Variants in ANKRD26 observed in about 807,000 individuals in gnomAD.
ANKRD26 encodes the protein ankyrin repeat domain 26.
In ANKRD26, 141 loss-of-function variants were observed where a neutral mutation model predicts 208.7. The observed-to-expected ratio is 0.68, with a 90% CI of 0.59 to 0.78. ANKRD26 has a LOEUF of 0.78. Among genes scored for constraint, ANKRD26 ranks in the 30% least tolerant of loss-of-function variants. The pLI is 0.00. For synonymous variants in ANKRD26, 636 were observed against 660.4 expected (o/e 0.96, Z 0.57); for missense variants, 1,889 against 1,938.7 (o/e 0.97, Z 0.48).
chr10:26,991,848 A>G (rs183217885), downstream of ANKRD26: 19 of 152,262 alleles, frequency 1.2e-4, no homozygotes, highest in African/African-American at 3.9e-4. Flanking sequence ...GGCAGAGGAA[A>G]TAGACACTCA....
intron 6 of ANKRD26, chr10:27,079,973 T>C (rs2055843719): frequency 7.5e-6 from 2 of 266,178 alleles, no homozygotes; most frequent in South Asian, 3.0e-5. Flanking sequence ...CTGACCAACA[T>C]AGTGAAACTC....
intron 9 of ANKRD26, among the ~76,000 whole-genome samples, chr10:27,070,682 T>C (rs2055450671): frequency 2.0e-5 from 3 of 152,132 alleles, no homozygotes; most frequent in Admixed American, 2.0e-4. Flanking sequence ...TTTTTTTTTT[T>C]TGAGATGGAG....
chr10:26,989,376 C>A (rs1011306241), downstream of ANKRD26, among the ~76,000 whole-genome samples: 3 of 152,088 alleles, frequency 2.0e-5, no homozygotes, highest in Non-Finnish European at 4.4e-5. Context: ...ATTGTCAAGA[C>A]TTTTTAAAAT....
At chr10:27,028,712 A>T in intron 27 of ANKRD26, 140 bp downstream of exon 27, 1 of 705,196 alleles carries the variant, frequency 1.4e-6, no homozygotes, top group Non-Finnish European at 2.4e-6. Context: ...TTATGTATGT[A>T]CAAATATTCC....
chr10:27,051,207 C>T, intron 16 of ANKRD26: 1 of 1,289,780 alleles, frequency 7.8e-7, no homozygotes, highest in Admixed American at 2.3e-5. Flanking sequence ...TGGAGAAGAC[C>T]TCACATTTTC....
In ANKRD26 at chr10:27,053,378, A is replaced by T; in HGVS notation, c.1577T>A (p.Leu526Ter). The T allele has an allele frequency of 6.2e-7, 1 of 1,610,794 alleles. No individual in the cohort carries two copies. The highest frequency in any genetic ancestry group is 8.5e-7 in the Non-Finnish European group (1 of 1,178,304). ...VQTSKAAEHD[L>*]EVASEEEQER... ...TTGCTCTTCTTCTGATGCTACTTCTAAGTCATGTTCAGCTGAAAAAATCCA... is the reference window on the plus strand; with the variant it reads ...TTGCTCTTCTTCTGATGCTACTTCTTAGTCATGTTCAGCTGAAAAAATCCA... The change falls in exon 16 of 34, where the codon TTA becomes TAA. Residue 526 changes from leucine (L) to a stop codon, truncating the protein, a stop_gained. Coordinates refer to ENST00000376087, the MANE Select transcript of ANKRD26 (RefSeq NM_014915.3). LOFTEE classifies it high-confidence loss of function.
chr10:26,971,110 G>A (rs971824523), downstream of ANKRD26, among the ~76,000 whole-genome samples: 11 of 152,340 alleles, frequency 7.2e-5, 1 homozygote, highest in South Asian at 1.7e-3. Flanking sequence ...CACTGGCTGG[G>A]TGCAGTGGCT....
intron 5 of ANKRD26, among the ~76,000 whole-genome samples, chr10:26,994,807 C>A (rs1271476604): frequency 6.6e-6 from 1 of 152,300 alleles, no homozygotes; most frequent in East Asian, 1.9e-4. Flanking sequence ...TCTGTAGCAT[C>A]CCAAAGTCAT....
exon 6 of ANKRD26, among the ~76,000 whole-genome samples, chr10:26,974,393 T>C (rs1293421760): frequency 4.0e-5 from 6 of 150,710 alleles, no homozygotes; most frequent in Admixed American, 3.3e-4. Flanking sequence ...CAGGCTGGAA[T>C]GCAGTGGTGC....
chr10:27,074,714 T>C (rs1413884606), intron 9 of ANKRD26, among the ~76,000 whole-genome samples: 2 of 151,944 alleles, frequency 1.3e-5, no homozygotes, highest in Non-Finnish European at 2.9e-5. Context: ...GTTTTAACAG[T>C]AGGCTATGCC....
chr10:26,972,885 C>T (rs2052171744), downstream of ANKRD26, among the ~76,000 whole-genome samples: 1 of 152,044 alleles, frequency 6.6e-6, no homozygotes, highest in African/African-American at 2.4e-5. Context: ...CCACCATACC[C>T]GGCTGAGGTT....
chr10:27,070,793 G>A (rs2055457248), intron 9 of ANKRD26, among the ~76,000 whole-genome samples: 1 of 151,712 alleles, frequency 6.6e-6, no homozygotes, highest in Admixed American at 6.6e-5. Context: ...AGCCCCCTGA[G>A]TAGCTGGGAT....
chr10:27,044,257 T>C, intron 18 of ANKRD26, 67 bp from the exon 19 acceptor site: 1 of 1,305,452 alleles, frequency 7.7e-7, no homozygotes, highest in Non-Finnish European at 1.0e-6. Context: ...TCTAAAACTA[T>C]TGTTTTTTTA....
At chr10:27,033,422 TAA>T (rs780726402) in intron 24 of ANKRD26, 45 bp from the exon 25 acceptor site, 36 of 1,553,314 alleles carry the variant, frequency 2.3e-5, no homozygotes, top group Non-Finnish European at 2.9e-5. Flanking sequence ...ACCTTATTAT[TAA>T]GTTATGTTAA....
downstream of ANKRD26, among the ~76,000 whole-genome samples, chr10:26,971,688 A>AG (rs2052144902): frequency 6.6e-6 from 1 of 151,656 alleles, no homozygotes; most frequent in Admixed American, 6.6e-5. Flanking sequence ...AAAAAAAAAA[A>AG]AAAAAGAAAA....
At chr10:27,082,907 A>C in intron 5 of ANKRD26, 74 bp from the exon 6 acceptor site, 1 of 1,512,588 alleles carries the variant, frequency 6.6e-7, no homozygotes. Flanking sequence ...CATAAGACTG[A>C]TAGTTTGTTA....
intron 32 of ANKRD26, among the ~76,000 whole-genome samples, chr10:27,011,747 C>G (rs1035476654): frequency 1.3e-5 from 2 of 152,204 alleles, no homozygotes; most frequent in Admixed American, 1.3e-4. Flanking sequence ...GAGATGAGGA[C>G]CCTGTGAAGC....
At chr10:26,952,425 C>A in the ANKRD26 span, among the ~76,000 whole-genome samples, 1 of 152,020 alleles carries the variant, frequency 6.6e-6, no homozygotes, top group African/African-American at 2.4e-5. Context: ...GTTAAATATG[C>A]CCTTTGCTGT....
At chr10:27,010,247 C>G (rs1016749852) in intron 32 of ANKRD26, among the ~76,000 whole-genome samples, 4 of 152,002 alleles carry the variant, frequency 2.6e-5, no homozygotes, top group Non-Finnish European at 5.9e-5. Flanking sequence ...AACCAGTGCC[C>G]CACAAAGAAA....
Sources: allele counts gnomAD v4.1 joint callset (sites outside exome capture counted in the v4.1 genomes callset), GRCh38; gene constraint gnomAD v4.1.1; transcripts MANE v1.5; gene names NCBI Gene and HGNC (gene_info 2026-07-23, HGNC 2026-07-21).